LUZP2: variants seen among roughly 807,000 people sequenced by gnomAD.
LUZP2 encodes leucine zipper protein 2.
A neutral mutation model predicts 51.6 loss-of-function variants in LUZP2; 52 were observed. The ratio of observed to expected loss-of-function variants is 1.01; its 90% confidence interval spans 0.81 to 1.27. The LOEUF (loss-of-function observed/expected upper bound fraction) is 1.27, where lower values mean the gene tolerates loss of function less well. LUZP2 is among the 50% of genes most tolerant of loss of function. LUZP2 has a pLI of 0.00. For missense variants in LUZP2, 436 were observed against 395.4 expected, an observed-to-expected ratio of 1.10 and a Z score of -0.87; for synonymous variants, 154 against 137.3, an observed-to-expected ratio of 1.12 and a Z score of -0.85.
At chr11:24,626,386 G>A (rs1462303997) in intron 1 of LUZP2, among the ~76,000 whole-genome samples, 1 of 152,090 alleles carries the variant, frequency 6.6e-6, no homozygotes, top group Non-Finnish European at 1.5e-5. Context: ...TTACAATCAG[G>A]AGAAAATAAA....
chr11:25,007,196 TC>T (rs1856855581), intron 9 of LUZP2, among the ~76,000 whole-genome samples: 1 of 152,124 alleles, frequency 6.6e-6, no homozygotes, highest in African/African-American at 2.4e-5. Flanking sequence ...GTTCTCCAAG[TC>T]CCCACCCGAC....
At chr11:25,018,818 G>A in intron 9 of LUZP2, among the ~76,000 whole-genome samples, 1 of 151,970 alleles carries the variant, frequency 6.6e-6, no homozygotes. Context: ...ATGTTGGCCA[G>A]GCTTGCCTTG....
chr11:24,728,347 C>T (rs1417355270), intron 1 of LUZP2, among the ~76,000 whole-genome samples: 1 of 151,840 alleles, frequency 6.6e-6, no homozygotes, highest in East Asian at 1.9e-4. Context: ...CATACAGATA[C>T]AGTATACTAT....
chr11:25,009,382 T>C (rs781230802), intron 9 of LUZP2, among the ~76,000 whole-genome samples: 2 of 152,318 alleles, frequency 1.3e-5, no homozygotes, highest in South Asian at 2.1e-4. Context: ...TAAATAATTA[T>C]TTGCATTGCA....
chr11:24,842,282 T>G (rs893624986), intron 5 of LUZP2, among the ~76,000 whole-genome samples: 1 of 149,412 alleles, frequency 6.7e-6, no homozygotes, highest in East Asian at 1.9e-4. Flanking sequence ...ACATAATATA[T>G]AATTTATTAA....
At chr11:25,073,651 T>A (rs1387535825) in intron 10 of LUZP2, among the ~76,000 whole-genome samples, 1 of 152,212 alleles carries the variant, frequency 6.6e-6, no homozygotes, top group East Asian at 1.9e-4. Flanking sequence ...GAAACGTTTT[T>A]GCAGCCCCTC....
intron 5 of LUZP2, among the ~76,000 whole-genome samples, chr11:24,803,398 CAGGA>C (rs372277410): frequency 7.8e-4 from 119 of 152,076 alleles, no homozygotes; most frequent in African/African-American, 2.6e-3. Context: ...AAGTGTTAGC[CAGGA>C]TGTAGAGAAA....
chr11:24,812,994 G>C (rs1465307492), intron 5 of LUZP2, among the ~76,000 whole-genome samples: 1 of 152,094 alleles, frequency 6.6e-6, no homozygotes, highest in Non-Finnish European at 1.5e-5. Context: ...ATATGCATAG[G>C]GGTCACTCTA....
Position 24,729,298 on chromosome 11 carries a change from A to T in LUZP2, c.180+12A>T. 2.2e-6 allele frequency: 3 copies of T among 1,393,098 alleles called. No individual in the cohort carries two copies. Among genetic ancestry groups the T allele is most frequent in the Non-Finnish European group, 3.0e-6 (3 of 1,016,728 alleles). 86.3% of individuals were successfully genotyped at this position (1,393,098 alleles called of 1,614,324 possible). ...AAGTCAATCTTCAGGTGAGATGAGA[A>T]CTCATTTTCCGAGCAGTAAAAGAGG... On this transcript the variant is annotated intron_variant, in intron 2 of 11. Transcript: ENST00000336930.
chr11:24,592,025 T>C (rs1853278311), intron 1 of LUZP2, among the ~76,000 whole-genome samples: 1 of 152,144 alleles, frequency 6.6e-6, no homozygotes, highest in Non-Finnish European at 1.5e-5. Context: ...AAAGAGCCAT[T>C]GGGGAAAAGG....
At chr11:25,026,255 ATGT>A (rs1857489118) in intron 9 of LUZP2, among the ~76,000 whole-genome samples, 1 of 152,096 alleles carries the variant, frequency 6.6e-6, no homozygotes, top group Non-Finnish European at 1.5e-5. Context: ...ACAAACCTGC[ATGT>A]TGTGCACATG....
At chr11:24,991,325 T>G (rs1312565628) in intron 9 of LUZP2, among the ~76,000 whole-genome samples, 1 of 150,752 alleles carries the variant, frequency 6.6e-6, no homozygotes, top group African/African-American at 2.4e-5. Flanking sequence ...CTGAGTAGTA[T>G]TCCATCATAT....
intron 1 of LUZP2, among the ~76,000 whole-genome samples, chr11:24,679,184 T>G (rs906710320): frequency 6.6e-6 from 1 of 152,192 alleles, no homozygotes; most frequent in African/African-American, 2.4e-5. Flanking sequence ...CAGTGTCAAA[T>G]AGATAAGAGC....
Position 25,080,003 on chromosome 11 carries a change from T to G in LUZP2, c.*1345T>G, listed in dbSNP as rs1859421229. The stretch of plus-strand genomic sequence containing the variant: ...ATCAAAATGGCATATTTAAAGAAAT[T>G]TAAAGATTTGGAGAATTGGAAAATA... On this transcript the variant is annotated 3_prime_UTR_variant, in exon 12 of 12. Coordinates refer to ENST00000336930, the MANE Select transcript of LUZP2 (RefSeq NM_001009909.4). 1 of 152,118 alleles carries G rather than the reference T, an allele frequency of 6.6e-6. No individual in the cohort carries two copies. Among genetic ancestry groups the G allele is most frequent in the Admixed American group, 6.6e-5 (1 of 15,258 alleles). 9.4% of individuals were successfully genotyped at this position (152,118 alleles called of 1,614,324 possible). A position where few individuals can be genotyped will look rare whatever the true frequency, so the allele number is the denominator to read the frequency against.
At chr11:24,677,455 A>C (rs1051916608) in intron 1 of LUZP2, among the ~76,000 whole-genome samples, 3 of 152,118 alleles carry the variant, frequency 2.0e-5, no homozygotes, top group African/African-American at 7.2e-5. Context: ...TTGAACACTC[A>C]AGATTGTTCT....
At chr11:24,928,733 T>C (rs2133830294) in intron 7 of LUZP2, among the ~76,000 whole-genome samples, 1 of 152,232 alleles carries the variant, frequency 6.6e-6, no homozygotes, top group Non-Finnish European at 1.5e-5. Flanking sequence ...ACTGTGATAC[T>C]GGATTCATAG....
chr11:24,894,961 A>G (rs1488804504), intron 5 of LUZP2, among the ~76,000 whole-genome samples: 1 of 152,196 alleles, frequency 6.6e-6, no homozygotes, highest in Non-Finnish European at 1.5e-5. Context: ...GATAATGGCT[A>G]GTTCAAGTCA....
chr11:24,839,179 A>AT (rs1300552800), intron 5 of LUZP2, among the ~76,000 whole-genome samples: 1 of 151,538 alleles, frequency 6.6e-6, no homozygotes, highest in African/African-American at 2.4e-5. Context: ...CTTTCAAATA[A>AT]TTTTTTAAAA....
chr11:24,557,248 A>T (rs1225061785), intron 1 of LUZP2, among the ~76,000 whole-genome samples: 1 of 152,216 alleles, frequency 6.6e-6, no homozygotes, highest in East Asian at 1.9e-4. Flanking sequence ...GCTAAAAATA[A>T]ATAATAATAT....
Sources: gnomAD v4.1 joint callset for allele counts (sites outside exome capture counted in the v4.1 genomes callset) on GRCh38, gnomAD v4.1.1 for gene constraint, MANE v1.5 for transcripts, NCBI Gene and HGNC (gene_info 2026-07-23, HGNC 2026-07-21) for gene names.